Variants in LAMC3 observed in about 807,000 individuals in gnomAD.
The protein encoded by LAMC3 is laminin subunit gamma 3.
A neutral mutation model predicts 173.8 loss-of-function variants in LAMC3; 128 were observed. The ratio of observed to expected loss-of-function variants is 0.74; its 90% CI spans 0.64 to 0.85. The LOEUF is 0.85. Among genes scored for constraint, LAMC3 ranks in the 40% least tolerant of loss-of-function variants. The pLI is 0.00. For missense variants in LAMC3, 2,022 were observed against 2,156.0 expected (o/e 0.94, Z 1.23); for synonymous variants, 897 against 909.1 (o/e 0.99, Z 0.24).
intron 11 of LAMC3, among the ~76,000 whole-genome samples, chr9:131,054,016 AC>A (rs907829239): frequency 9.4e-5 from 10 of 106,676 alleles, no homozygotes; most frequent in African/African-American, 1.3e-4. Flanking sequence ...AAAAAAAAAA[AC>A]AAAACAAAAA....
intron 11 of LAMC3, among the ~76,000 whole-genome samples, chr9:131,055,380 T>C (rs1378563519): frequency 6.6e-6 from 1 of 152,010 alleles, no homozygotes; most frequent in Non-Finnish European, 1.5e-5. Context: ...AGCAAAACCT[T>C]CTGATTAGTA....
intron 11 of LAMC3, among the ~76,000 whole-genome samples, chr9:131,054,805 TGAGA>T (rs374763399): frequency 3.5e-4 from 36 of 101,832 alleles, no homozygotes; most frequent in African/African-American, 1.5e-3. Flanking sequence ...AGAGAGAGAG[TGAGA>T]GAGAGAGAAA....
At chr9:131,082,735 C>T (rs985541990) in intron 24 of LAMC3, among the ~76,000 whole-genome samples, 5 of 152,194 alleles carry the variant, frequency 3.3e-5, no homozygotes, top group Admixed American at 2.0e-4. Context: ...CCAATTTGCT[C>T]CAGAGAGAAG....
chr9:131,016,625 G>A (rs1833523775), intron 1 of LAMC3, among the ~76,000 whole-genome samples: 1 of 152,182 alleles, frequency 6.6e-6, no homozygotes, highest in Middle Eastern at 3.2e-3. Context: ...TAAATTGTAG[G>A]ACATAAATTC....
At position 131,061,170 on chromosome 9, in the gene LAMC3, C is replaced by G. The variant is rs752977803; in HGVS notation, c.2294C>G (p.Thr765Ser). 5.0e-6 allele frequency: 8 copies of G among 1,612,414 alleles called. 1 individual carries two copies. The South Asian group carries it at 7.7e-5, about 15-fold the overall frequency. The change falls in exon 13 of 28, where the codon ACC becomes AGC. Residue 765 changes from threonine to serine, a missense_variant. By Grantham distance (58) the Thr-to-Ser change is moderately conservative. Transcript: ENST00000361069. ...TGCCCTGGCCAGTCGGCCTGTACGA[C>G]CATCCCAGAGAGCCGGGAGGTGGTG... ...CPCPGQSACT[T>S]IPESREVVCT...
intron 13 of LAMC3, among the ~76,000 whole-genome samples, chr9:131,064,291 A>AT (rs2133305137): frequency 6.6e-6 from 1 of 152,344 alleles, no homozygotes; most frequent in South Asian, 2.1e-4. Flanking sequence ...GGCAGCAGCT[A>AT]TTTTTTAATT....
In LAMC3 at chr9:131,026,203, A is replaced by G. The variant is rs1588139897; in HGVS notation, c.374-82A>G. 1.3e-6 allele frequency: 2 copies of G among 1,587,000 alleles called. No individual in the cohort carries two copies. The highest frequency in any genetic ancestry group is 1.7e-6 in the Non-Finnish European group (2 of 1,167,578). The stretch of plus-strand genomic sequence containing the variant: ...CGATCCATCCACGCTAGTGCCTGCA[A>G]TGCAGCCGTCTGTCCTTCCTAGACC... On this transcript the variant is annotated intron_variant, in intron 1 of 27. Coordinates refer to ENST00000361069, the MANE Select transcript of LAMC3 (RefSeq NM_006059.4). This position sits in a 1 kb window ranked among gnomAD's most constrained non-coding sequence, Gnocchi z 4.8.
rs756250342 is a variant in LAMC3, at chr9:131,068,159, A to G, written c.2675A>G (p.His892Arg). Residue 892 changes from histidine to arginine, a missense_variant, in exon 15 of 28, where the codon CAT becomes CGT. Transcript: ENST00000361069. ...PVTGQCSCLP[H>R]VTARDCSRCY... is the part of the protein sequence containing the mutation. ...ACAGGCCAATGCTCCTGCCTGCCTC[A>G]TGTGACTGCACGGGACTGCAGCCGC... 86 of 1,613,328 alleles carry G rather than the reference A, an allele frequency of 5.3e-5. 1 individual carries two copies. In the South Asian group the frequency reaches 8.3e-4, roughly 16 times the overall value.
Position 131,069,662 on chromosome 9 carries a change from G to A in LAMC3, c.2891-10G>A, listed in dbSNP as rs754995433. 3.8e-6 allele frequency: 6 copies of A among 1,597,606 alleles called. No individual in the cohort carries two copies. The Admixed American group carries it at 1.0e-4, about 28-fold the overall frequency. On this transcript the variant is annotated splice_polypyrimidine_tract_variant and intron_variant, in intron 16 of 27. Coordinates refer to ENST00000361069, the MANE Select transcript of LAMC3 (RefSeq NM_006059.4). ...CTAAACCCAGCACGCACTGCCCCTG[G>A]CCCCTCTAGCCTGCAGGTGCTCCCC...
At chr9:131,066,860 C>T in intron 13 of LAMC3, 100 bp from the exon 14 acceptor site, 8 of 1,501,134 alleles carry the variant, frequency 5.3e-6, no homozygotes, top group Non-Finnish European at 7.3e-6. Flanking sequence ...CCGTGCTGCT[C>T]CGGGGAAGGT....
intron 22 of LAMC3, 77 bp from the exon 23 acceptor site, chr9:131,079,072 G>T (rs1364886173): frequency 6.4e-7 from 1 of 1,556,326 alleles, no homozygotes; most frequent in East Asian, 2.4e-5. Context: ...AGCCCAGCAG[G>T]GCACCTCCCC....
chr9:131,036,722 CTT>C (rs1197802531), intron 4 of LAMC3, among the ~76,000 whole-genome samples: 1 of 152,226 alleles, frequency 6.6e-6, no homozygotes, highest in African/African-American at 2.4e-5. Context: ...CCAGGCAGCC[CTT>C]TGGTGTCCCA....
chr9:131,010,527 G>C (rs1341272832), intron 1 of LAMC3, among the ~76,000 whole-genome samples: 2 of 152,208 alleles, frequency 1.3e-5, no homozygotes, highest in Non-Finnish European at 2.9e-5. Flanking sequence ...GACACACCAA[G>C]GACTGAATTG....
At chr9:131,020,707 T>C (rs931442603) in intron 1 of LAMC3, among the ~76,000 whole-genome samples, 2 of 152,178 alleles carry the variant, frequency 1.3e-5, no homozygotes, top group Non-Finnish European at 2.9e-5. Context: ...AGAGGAGGGC[T>C]AACACAAGGA....
At chr9:131,060,887 C>G in intron 12 of LAMC3, 148 bp from the exon 13 acceptor site, 1 of 776,308 alleles carries the variant, frequency 1.3e-6, no homozygotes, top group Non-Finnish European at 2.2e-6. Context: ...CAGGCCTGGA[C>G]CCTCAATCCC....
chr9:131,075,862 A>G lies in LAMC3; in HGVS notation c.3526A>G (p.Thr1176Ala). 1 of 1,612,132 alleles carries G rather than the reference A, an allele frequency of 6.2e-7. No homozygotes were observed. The highest frequency in any genetic ancestry group is 8.5e-7 in the Non-Finnish European group (1 of 1,178,996). The change falls in exon 21 of 28, where the codon ACT (threonine) becomes GCT (alanine). Residue 1176 changes from threonine (T) to alanine (A), a missense_variant. Transcript: ENST00000361069. ...HRDTATKIAA[T>A]AWRALLASNT... ...AGACACCGCCACCAAGATCGCAGCC[A>G]CTGCTTGGAGGGCCCTGCTCGCCTC...
chr9:131,012,652 G>A (rs1361851009), intron 1 of LAMC3, among the ~76,000 whole-genome samples: 2 of 152,226 alleles, frequency 1.3e-5, no homozygotes, highest in African/African-American at 2.4e-5. Context: ...TTGCATAATA[G>A]CGGGGGAAGG....
At chr9:131,031,752 C>T (rs968239584) in intron 2 of LAMC3, among the ~76,000 whole-genome samples, 1 of 152,226 alleles carries the variant, frequency 6.6e-6, no homozygotes, top group African/African-American at 2.4e-5. Flanking sequence ...TACCCTCCCC[C>T]AGACATGTTT....
chr9:131,057,728 A>C (rs1419964133), intron 12 of LAMC3, among the ~76,000 whole-genome samples: 1 of 152,228 alleles, frequency 6.6e-6, no homozygotes, highest in African/African-American at 2.4e-5. Flanking sequence ...GTTTCTACAC[A>C]AAGCCATATG....
Sources: gnomAD v4.1 joint callset for allele counts (sites outside exome capture counted in the v4.1 genomes callset) on GRCh38, gnomAD v4.1.1 for gene constraint, Gnocchi (gnomAD v3.1) non-coding constraint, MANE v1.5 for transcripts, NCBI Gene and HGNC (gene_info 2026-07-23, HGNC 2026-07-21) for gene names.